ST3GAL3: variants seen among roughly 807,000 people sequenced by gnomAD.
ST3GAL3 encodes ST3 beta-galactoside alpha-2,3-sialyltransferase 3.
ST3GAL3 carries 21 observed loss-of-function variants against 50.1 expected under a neutral mutation model. The observed-to-expected ratio is 0.42, with a 90% CI of 0.30 to 0.60. The LOEUF is 0.60. Ranked by LOEUF, ST3GAL3 falls within the 20% of genes least tolerant of loss-of-function variation. The probability of loss-of-function intolerance (pLI) is 0.19; values close to 1 mark genes in which losing one functional copy is unlikely to be tolerated. For missense variants in ST3GAL3, 353 were observed against 489.4 expected, an observed-to-expected ratio of 0.72 and a Z score of 2.63; for synonymous variants, 183 against 190.0, an observed-to-expected ratio of 0.96 and a Z score of 0.30.
intron 1 of ST3GAL3, among the ~76,000 whole-genome samples, chr1:43,711,935 T>G (rs1211335901): frequency 6.6e-6 from 1 of 152,246 alleles, no homozygotes; most frequent in Non-Finnish European, 1.5e-5. Flanking sequence ...AGTTTAACCT[T>G]ACTGGTTTAA....
intron 5 of ST3GAL3, among the ~76,000 whole-genome samples, chr1:43,868,257 CTATA>C (rs57915626): frequency 0.2 from 30,810 of 151,920 alleles, 4,001 homozygotes; most frequent in African/African-American, 0.35. Context: ...TTATGGGACA[CTATA>C]TATAAGGTAA....
rs758812721 is a variant in ST3GAL3 at position 43,736,314 on chromosome 1, C to G, written c.52C>G (p.Leu18Val). Residue 18 changes from leucine (L) to valine (V), a missense_variant, in exon 2 of 12, where the codon CTG (leucine) becomes GTG (valine). Transcript: ENST00000347631. ...TCTGCTGCTAGCCCTCTGCCTCTTTCTGGTACTGGGATTTTTGTATTATTC... is the reference window on the plus strand; with the variant it reads ...TCTGCTGCTAGCCCTCTGCCTCTTTGTGGTACTGGGATTTTTGTATTATTC... Reference protein sequence around the residue: ...RNLLLALCLFLVLGFLYYSAW... With the variant: ...RNLLLALCLFVVLGFLYYSAW... 1.2e-6 allele frequency: 2 copies of G among 1,614,130 alleles called. No individual in the cohort carries two copies. The highest frequency in any genetic ancestry group is 2.2e-5 in the South Asian group (2 of 91,080).
chr1:43,713,017 G>A (rs1183484451), intron 1 of ST3GAL3, among the ~76,000 whole-genome samples: 1 of 152,232 alleles, frequency 6.6e-6, no homozygotes, highest in Non-Finnish European at 1.5e-5. Flanking sequence ...GGAAGAGGCA[G>A]AATAGTGAAT....
intron 3 of ST3GAL3, among the ~76,000 whole-genome samples, chr1:43,806,521 TG>T (rs934302932): frequency 6.6e-6 from 1 of 152,126 alleles, no homozygotes; most frequent in African/African-American, 2.4e-5. Flanking sequence ...CTTGGAGGAC[TG>T]GATGGTATTG....
intron 2 of ST3GAL3, among the ~76,000 whole-genome samples, chr1:43,748,775 C>T (rs1161417767): frequency 6.6e-6 from 1 of 151,900 alleles, no homozygotes; most frequent in Non-Finnish European, 1.5e-5. Context: ...TGAGTTGTTG[C>T]CCAGGTTGGT....
At chr1:43,732,263 G>A (rs1676269295) in intron 1 of ST3GAL3, among the ~76,000 whole-genome samples, 3 of 152,304 alleles carry the variant, frequency 2.0e-5, no homozygotes, top group Non-Finnish European at 4.4e-5. Flanking sequence ...CTTGCCTTCT[G>A]GCTTCCAGCT....
chr1:43,843,450 T>G (rs2065743675), intron 5 of ST3GAL3, among the ~76,000 whole-genome samples: 1 of 152,240 alleles, frequency 6.6e-6, no homozygotes, highest in African/African-American at 2.4e-5. Context: ...AAACTTCATT[T>G]GGTCTTGGTG....
At chr1:43,873,893 G>A (rs2073548305) in intron 5 of ST3GAL3, among the ~76,000 whole-genome samples, 1 of 152,132 alleles carries the variant, frequency 6.6e-6, no homozygotes, top group Non-Finnish European at 1.5e-5. Context: ...GAAAATGGAT[G>A]AGATCACCAA....
chr1:43,752,945 A>G (rs1305177546), intron 2 of ST3GAL3, among the ~76,000 whole-genome samples: 2 of 152,272 alleles, frequency 1.3e-5, no homozygotes, highest in African/African-American at 4.8e-5. Flanking sequence ...TTAAAAGATT[A>G]TTCATATTTG....
chr1:43,719,934 G>GAAAAAA (rs148364295), intron 1 of ST3GAL3, among the ~76,000 whole-genome samples: 133 of 41,722 alleles, frequency 3.2e-3, no homozygotes, highest in Middle Eastern at 0.04. Context: ...CTCTGTCTCA[G>GAAAAAA]AAAAAAAAAA....
At chr1:43,909,857 A>T (rs973950921) in intron 9 of ST3GAL3, among the ~76,000 whole-genome samples, 1 of 152,266 alleles carries the variant, frequency 6.6e-6, no homozygotes, top group South Asian at 2.1e-4. Context: ...AGAAAGAAAG[A>T]TAACTAGTAA....
intron 2 of ST3GAL3, among the ~76,000 whole-genome samples, chr1:43,757,075 T>C (rs1436550864): frequency 6.6e-6 from 1 of 152,062 alleles, no homozygotes; most frequent in Non-Finnish European, 1.5e-5. Context: ...TAGCTAACTT[T>C]TATATTTTTA....
chr1:43,733,320 G>T (rs889515526), intron 1 of ST3GAL3, among the ~76,000 whole-genome samples: 4 of 152,116 alleles, frequency 2.6e-5, no homozygotes, highest in African/African-American at 9.7e-5. Context: ...AGTGTACAAA[G>T]GGAAAAGTAA....
intron 5 of ST3GAL3, among the ~76,000 whole-genome samples, chr1:43,891,237 A>G (rs1284963520): frequency 6.6e-6 from 1 of 152,222 alleles, no homozygotes; most frequent in Non-Finnish European, 1.5e-5. Flanking sequence ...CAAGTTGAAA[A>G]GACTCCACTG....
At chr1:43,772,228 A>AGTAGAGATGGGGTTTCTCCATGTTG (rs1198238397) in intron 2 of ST3GAL3, 2 of 383,562 alleles carry the variant, frequency 5.2e-6, no homozygotes, top group Non-Finnish European at 9.2e-6. Flanking sequence ...TTTGATTTTT[A>AGTAGAGATGGGGTTTCTCCATGTTG]GTAGAGATGG....
chr1:43,917,726 T>C (rs971293168), intron 9 of ST3GAL3, among the ~76,000 whole-genome samples: 1 of 135,518 alleles, frequency 7.4e-6, no homozygotes, highest in Non-Finnish European at 1.5e-5. Flanking sequence ...TGGAGTACAG[T>C]GGTGCCATCT....
chr1:43,886,526 AAAGT>A (rs2076014845), intron 5 of ST3GAL3, among the ~76,000 whole-genome samples: 1 of 152,214 alleles, frequency 6.6e-6, no homozygotes, highest in Non-Finnish European at 1.5e-5. Flanking sequence ...AATTTTTTTA[AAAGT>A]AAGAATGCAT....
chr1:43,864,657 C>T (rs573758229), intron 5 of ST3GAL3, among the ~76,000 whole-genome samples: 1 of 152,144 alleles, frequency 6.6e-6, no homozygotes, highest in African/African-American at 2.4e-5. Context: ...AAGGTCATTG[C>T]CTGAAATGGG....
chr1:43,812,960 CA>C (rs1419912054), intron 3 of ST3GAL3, among the ~76,000 whole-genome samples: 1 of 151,996 alleles, frequency 6.6e-6, no homozygotes, highest in East Asian at 1.9e-4. Flanking sequence ...TTTTACTATA[CA>C]GAAAATATAT....
Sources: gnomAD v4.1 joint callset for allele counts (sites outside exome capture counted in the v4.1 genomes callset) on GRCh38, gnomAD v4.1.1 for gene constraint, MANE v1.5 for transcripts, NCBI Gene and HGNC (gene_info 2026-07-23, HGNC 2026-07-21) for gene names.